NRXN3: variants seen among roughly 807,000 people sequenced by gnomAD.
The protein encoded by NRXN3 is neurexin III.
Under a neutral mutation model 137.6 loss-of-function variants are expected in NRXN3, and 32 were observed. The ratio of observed to expected loss-of-function variants is 0.23; its 90% confidence interval spans 0.18 to 0.31. The LOEUF (loss-of-function observed/expected upper bound fraction) is 0.31. NRXN3 is among the 10% of genes least tolerant of loss of function. The pLI, the probability that NRXN3 is intolerant of heterozygous loss-of-function variation, is 1.00. For synonymous variants in NRXN3, 798 were observed against 784.5 expected, an observed-to-expected ratio of 1.02 and a Z score of -0.29; for missense variants, 1,574 against 2,062.5, an observed-to-expected ratio of 0.76 and a Z score of 4.59.
chr14:78,801,181 C>T (rs2098837633), intron 8 of NRXN3, among the ~76,000 whole-genome samples: 1 of 152,088 alleles, frequency 6.6e-6, no homozygotes, highest in South Asian at 2.1e-4. Context: ...ATTAGCCGCA[C>T]ATGGTGGCAG....
chr14:79,230,810 C>T (rs547338199), intron 15 of NRXN3, among the ~76,000 whole-genome samples: 35 of 152,162 alleles, frequency 2.3e-4, no homozygotes, highest in African/African-American at 6.5e-4. Flanking sequence ...TTAAAGGGGT[C>T]ATGATGCTTG....
Position 79,348,057 on chromosome 14 carries a change from A to G in NRXN3, c.3263-119164A>G, listed in dbSNP as rs2092988653. On this transcript the variant is annotated intron_variant, in intron 15 of 20. Transcript: ENST00000335750. ...CATAACCTTTGTGCTTCCTTTTTCC[A>G]TTAATCCTTCAAATGCCAGCATCCT... 1.3e-5 allele frequency among the ~76,000 whole-genome samples: 2 copies of G among 151,714 alleles called. 1 individual carries two copies. The highest frequency in any genetic ancestry group is 4.2e-4 in the South Asian group (2 of 4,792).
chr14:78,649,277 A>G, intron 5 of NRXN3: 2 of 1,344,624 alleles, frequency 1.5e-6, no homozygotes, highest in Non-Finnish European at 2.0e-6. Context: ...GCACTCAGGC[A>G]TCGGACACGC....
chr14:79,826,545 T>C (rs1429108425), intron 20 of NRXN3, among the ~76,000 whole-genome samples: 1 of 152,208 alleles, frequency 6.6e-6, no homozygotes, highest in Non-Finnish European at 1.5e-5. Flanking sequence ...GTAGTCATCA[T>C]TCCTTTTTTA....
intron 1 of NRXN3, among the ~76,000 whole-genome samples, chr14:78,177,085 C>T (rs1353801570): frequency 2.0e-5 from 3 of 152,158 alleles, no homozygotes; most frequent in Non-Finnish European, 4.4e-5. Context: ...AGGGTACTTT[C>T]AGGTCCAGCA....
intron 20 of NRXN3, among the ~76,000 whole-genome samples, chr14:79,811,574 CTTTTT>C (rs1416276242): frequency 7.7e-6 from 1 of 129,450 alleles, no homozygotes; most frequent in Non-Finnish European, 1.6e-5. Context: ...TTTCTTTTTT[CTTTTT>C]TCTTTTTTTT....
intron 6 of NRXN3, among the ~76,000 whole-genome samples, chr14:78,684,219 T>C (rs2098104750): frequency 6.6e-6 from 1 of 152,118 alleles, no homozygotes; most frequent in Non-Finnish European, 1.5e-5. Flanking sequence ...TGGCAAGTAT[T>C]ACAGGCAGGC....
intron 15 of NRXN3, among the ~76,000 whole-genome samples, chr14:79,179,829 G>A (rs987174045): frequency 2.6e-5 from 4 of 152,192 alleles, no homozygotes; most frequent in African/African-American, 7.2e-5. Context: ...CAGACCAGGA[G>A]CCTTTATGTC....
At chr14:79,558,541 A>G (rs1028066739) in intron 16 of NRXN3, among the ~76,000 whole-genome samples, 1 of 150,628 alleles carries the variant, frequency 6.6e-6, no homozygotes, top group Non-Finnish European at 1.5e-5. Flanking sequence ...TTTTGATAGG[A>G]TGTTCTTTTC....
chr14:78,702,707 G>A (rs1430900873), intron 6 of NRXN3, among the ~76,000 whole-genome samples: 1 of 152,032 alleles, frequency 6.6e-6, no homozygotes, highest in Non-Finnish European at 1.5e-5. Context: ...GCCTCCCAAA[G>A]TTCTGGGATT....
chr14:78,356,457 G>C (rs996394759), intron 4 of NRXN3, among the ~76,000 whole-genome samples: 1 of 152,304 alleles, frequency 6.6e-6, no homozygotes, highest in Non-Finnish European at 1.5e-5. Context: ...CTCCTCCCAG[G>C]TCTTCAGTGA....
At chr14:79,275,003 T>C (rs1328384604) in intron 15 of NRXN3, among the ~76,000 whole-genome samples, 1 of 152,238 alleles carries the variant, frequency 6.6e-6, no homozygotes, top group Non-Finnish European at 1.5e-5. Context: ...GCTTCTCTTC[T>C]ATATCTCCAA....
intron 4 of NRXN3, among the ~76,000 whole-genome samples, chr14:78,445,817 C>T (rs2094403099): frequency 6.6e-6 from 1 of 152,132 alleles, no homozygotes; most frequent in Non-Finnish European, 1.5e-5. Context: ...ATAATAGATA[C>T]TAAATATCAT....
At chr14:79,235,242 T>A (rs1192709983) in intron 15 of NRXN3, among the ~76,000 whole-genome samples, 1 of 152,126 alleles carries the variant, frequency 6.6e-6, no homozygotes, top group Non-Finnish European at 1.5e-5. Flanking sequence ...TACTTCTGAG[T>A]GTAACATAAA....
intron 4 of NRXN3, among the ~76,000 whole-genome samples, chr14:78,358,066 G>C (rs1372487375): frequency 6.6e-6 from 1 of 152,170 alleles, no homozygotes; most frequent in Non-Finnish European, 1.5e-5. Context: ...GAAAACATGA[G>C]TTCCAGTCCT....
At chr14:79,749,723 C>T (rs2098991302) in intron 19 of NRXN3, among the ~76,000 whole-genome samples, 1 of 152,036 alleles carries the variant, frequency 6.6e-6, no homozygotes, top group Admixed American at 6.6e-5. Context: ...TGAGGGGTAC[C>T]TCATATTCTC....
intron 19 of NRXN3, among the ~76,000 whole-genome samples, chr14:79,782,732 G>A (rs2099117702): frequency 1.3e-5 from 2 of 152,262 alleles, no homozygotes; most frequent in South Asian, 4.1e-4. Context: ...TAACTTATAT[G>A]AGTTGACAAC....
chr14:79,014,830 G>A (rs2099576645), intron 15 of NRXN3, among the ~76,000 whole-genome samples: 1 of 152,096 alleles, frequency 6.6e-6, no homozygotes, highest in African/African-American at 2.4e-5. Context: ...ATGGATTTTT[G>A]TTGCTTTCAT....
At chr14:79,767,387 C>T (rs776950997) in intron 19 of NRXN3, among the ~76,000 whole-genome samples, 7 of 152,198 alleles carry the variant, frequency 4.6e-5, no homozygotes, top group African/African-American at 9.6e-5. Flanking sequence ...TCAGCACTCA[C>T]GTTATTTTTT....
Sources: gnomAD v4.1 joint callset for allele counts (sites outside exome capture counted in the v4.1 genomes callset) on GRCh38, gnomAD v4.1.1 for gene constraint, MANE v1.5 for transcripts, NCBI Gene and HGNC (gene_info 2026-07-23, HGNC 2026-07-21) for gene names.